The following FGF14 variants were observed in gnomAD, a reference collection of about 807,000 sequenced individuals.
FGF14 encodes fibroblast growth factor homologous factor 4.
Under a neutral mutation model 25.5 loss-of-function variants are expected in FGF14, and 5 were observed. That is an observed-to-expected ratio of 0.20 (90% CI 0.10 to 0.41). The LOEUF is 0.41. Among genes scored for constraint, FGF14 ranks in the 10% least tolerant of loss-of-function variants. The probability of loss-of-function intolerance (pLI) is 1.00; values close to 1 mark genes in which losing one functional copy is unlikely to be tolerated. For missense variants in FGF14, 222 were observed against 320.1 expected (o/e 0.69, Z 2.34); for synonymous variants, 138 against 118.3 (o/e 1.17, Z -1.08).
At chr13:102,209,392 A>G (rs1042427619) in intron 1 of FGF14, among the ~76,000 whole-genome samples, 1 of 152,242 alleles carries the variant, frequency 6.6e-6, no homozygotes, top group Admixed American at 6.5e-5. Flanking sequence ...TGGTGTCTGA[A>G]GCTGAGTATG....
chr13:101,913,880 A>G (rs894487774), intron 1 of FGF14, among the ~76,000 whole-genome samples: 5 of 149,796 alleles, frequency 3.3e-5, no homozygotes, highest in Non-Finnish European at 7.4e-5. Flanking sequence ...ATTATTTCTT[A>G]TTAATTTGTT....
At chr13:102,278,002 G>A (rs1483993886) in intron 1 of FGF14, among the ~76,000 whole-genome samples, 2 of 152,136 alleles carry the variant, frequency 1.3e-5, no homozygotes, top group Admixed American at 1.3e-4. Context: ...TAGAGTACAT[G>A]CTTTTCTCTT....
intron 3 of FGF14, among the ~76,000 whole-genome samples, chr13:101,831,690 A>C (rs2042678248): frequency 6.6e-6 from 1 of 152,074 alleles, no homozygotes; most frequent in Non-Finnish European, 1.5e-5. Flanking sequence ...ACTGTACCAG[A>C]CTCTGCATAG....
At chr13:101,859,675 A>T (rs1285229450) in intron 3 of FGF14, among the ~76,000 whole-genome samples, 1 of 152,070 alleles carries the variant, frequency 6.6e-6, no homozygotes, top group Non-Finnish European at 1.5e-5. Flanking sequence ...AGTAGGTCGT[A>T]TGGTTTTGGT....
chr13:102,119,821 T>A (rs2045635489), intron 1 of FGF14, among the ~76,000 whole-genome samples: 1 of 152,180 alleles, frequency 6.6e-6, no homozygotes, highest in African/African-American at 2.4e-5. Context: ...AATGTTTCCG[T>A]ATGTTTGAAC....
chr13:102,043,833 A>G (rs996153885), intron 1 of FGF14, among the ~76,000 whole-genome samples: 1 of 152,158 alleles, frequency 6.6e-6, no homozygotes, highest in African/African-American at 2.4e-5. Flanking sequence ...CCCAAAGGCC[A>G]GCTTAACTGG....
intron 1 of FGF14, among the ~76,000 whole-genome samples, chr13:101,897,701 T>G (rs1199478205): frequency 6.6e-6 from 1 of 152,090 alleles, no homozygotes; most frequent in Non-Finnish European, 1.5e-5. Flanking sequence ...GAAATAAACT[T>G]GGAAAGTGAA....
intron 1 of FGF14, among the ~76,000 whole-genome samples, chr13:101,933,700 G>C (rs1188308105): frequency 6.6e-6 from 1 of 152,134 alleles, no homozygotes; most frequent in Non-Finnish European, 1.5e-5. Flanking sequence ...ATCCAGCCTG[G>C]ACAACAGAGT....
intron 1 of FGF14, among the ~76,000 whole-genome samples, chr13:102,214,710 A>G (rs1200941942): frequency 1.3e-5 from 2 of 152,152 alleles, no homozygotes; most frequent in African/African-American, 4.8e-5. Context: ...ACCGGAAGAG[A>G]TATTTGGCTA....
At chr13:101,774,109 A>T (rs1308571094) in intron 3 of FGF14, among the ~76,000 whole-genome samples, 1 of 152,090 alleles carries the variant, frequency 6.6e-6, no homozygotes, top group Non-Finnish European at 1.5e-5. Flanking sequence ...TGCTACTGTC[A>T]TTGAGAAATG....
chr13:102,373,528 T>C (rs896600138), intron 1 of FGF14: 2 of 152,160 alleles, frequency 1.3e-5, no homozygotes, highest in African/African-American at 2.4e-5. Context: ...TTGAAAATGA[T>C]TGAAGTGATT....
chr13:102,069,315 C>A (rs1017495454), intron 1 of FGF14, among the ~76,000 whole-genome samples: 3 of 152,042 alleles, frequency 2.0e-5, no homozygotes, highest in Non-Finnish European at 4.4e-5. Context: ...GGATTGTAAA[C>A]GCACCAATCA....
chr13:101,917,558 TCTCAGCAGC>T (rs1330201736), upstream of FGF14, among the ~76,000 whole-genome samples: 2 of 151,658 alleles, frequency 1.3e-5, no homozygotes, highest in Non-Finnish European at 1.5e-5. Context: ...GCACTGAAAC[TCTCAGCAGC>T]GGTTGGAGGG....
chr13:102,377,159 C>T (rs2058060749), intron 1 of FGF14, among the ~76,000 whole-genome samples: 1 of 151,904 alleles, frequency 6.6e-6, no homozygotes, highest in African/African-American at 2.4e-5. Context: ...AAAGGAAAGG[C>T]TACAATTTGC....
At chr13:102,019,516 T>C (rs982357282) in intron 1 of FGF14, among the ~76,000 whole-genome samples, 6 of 152,248 alleles carry the variant, frequency 3.9e-5, no homozygotes, top group African/African-American at 1.2e-4. Flanking sequence ...AGGCTGATGT[T>C]CCCACCTCTC....
At position 101,717,883 on chromosome 13, in the gene FGF14, A is replaced by G. The variant is rs920043263; in HGVS notation, c.*4948T>C. 2.0e-5 allele frequency: 3 copies of G among 152,032 alleles called. No homozygotes were observed. The highest frequency in any genetic ancestry group is 7.2e-5 in the African/African-American group (3 of 41,410). 9.4% of individuals were successfully genotyped at this position (152,032 alleles called of 1,614,324 possible). On this transcript the variant is annotated 3_prime_UTR_variant, in exon 5 of 5. Coordinates refer to ENST00000376143, the MANE Select transcript of FGF14 (RefSeq NM_004115.4). The stretch of plus-strand genomic sequence containing the variant: ...TTTTTCTTATAATCCTCTGTATGTT[A>G]TTATCCTTTTTATTAACAACAACAA...
At position 101,771,779 on chromosome 13, in the gene FGF14, C is replaced by CT. The variant is rs554864850; in HGVS notation, c.409-44970dup. 6.6e-3 allele frequency among the ~76,000 whole-genome samples: 1,007 copies of CT among 151,486 alleles called. 4 individuals are homozygous for CT. The highest frequency in any genetic ancestry group is 0.02 in the Middle Eastern group (6 of 294). ...ATTCTGCATACTTGGTTTTAGATTCCTTTTTTTTGAAACACATTTTAATGA... is the reference window on the plus strand; with the variant it reads ...ATTCTGCATACTTGGTTTTAGATTCCTTTTTTTTTGAAACACATTTTAATGA... On this transcript the variant is annotated intron_variant, in intron 3 of 4. Coordinates refer to ENST00000376143, the MANE Select transcript of FGF14 (RefSeq NM_004115.4).
intron 1 of FGF14, among the ~76,000 whole-genome samples, chr13:101,956,891 T>C (rs2036550235): frequency 6.6e-6 from 1 of 152,108 alleles, no homozygotes; most frequent in Non-Finnish European, 1.5e-5. Flanking sequence ...TTTTGTTTTT[T>C]TCTCTCTCTC....
At chr13:102,050,812 A>G (rs944607848) in intron 1 of FGF14, among the ~76,000 whole-genome samples, 3 of 152,224 alleles carry the variant, frequency 2.0e-5, no homozygotes, top group Admixed American at 6.5e-5. Context: ...AGAAAGGATC[A>G]CTGGTGGGAT....
Sources: gnomAD v4.1 joint callset for allele counts (sites outside exome capture counted in the v4.1 genomes callset) on GRCh38, gnomAD v4.1.1 for gene constraint, MANE v1.5 for transcripts, NCBI Gene and HGNC (gene_info 2026-07-23, HGNC 2026-07-21) for gene names.